The following PLB1 variants were observed in gnomAD, a reference collection of about 807,000 sequenced individuals.
The protein encoded by PLB1 is phospholipase B1, membrane-associated.
PLB1 carries 242 observed loss-of-function variants against 227.4 expected under a neutral mutation model. The ratio of observed to expected loss-of-function variants is 1.06; its 90% confidence interval spans 0.96 to 1.18. PLB1 has a LOEUF of 1.18. Among genes scored for constraint, PLB1 ranks in the 50% most tolerant of loss-of-function variants. PLB1 has a pLI of 0.00. For missense variants in PLB1, 1,858 were observed against 1,816.3 expected (o/e 1.02, Z -0.42); for synonymous variants, 757 against 682.2 (o/e 1.11, Z -1.71).
chr2:28,523,660 C>CATCT (rs1487935268), intron 4 of PLB1, among the ~76,000 whole-genome samples: 1 of 152,134 alleles, frequency 6.6e-6, no homozygotes, highest in Admixed American at 6.5e-5. Flanking sequence ...TTCCTCCCAA[C>CATCT]ATCTCTCTTT....
At position 28,542,110 on chromosome 2, in the gene PLB1, GCAGTAGAA is replaced by G. The variant is rs552049151; in HGVS notation, c.879+301_879+308del. ...ATCCTGCCACTGCACTCCAGCCTGG[GCAGTAGAA>G]CGAGACTCAGTCTCAAAAAAAAAAA... On this transcript the variant is annotated intron_variant, in intron 13 of 57. Coordinates refer to ENST00000327757, the MANE Select transcript of PLB1 (RefSeq NM_153021.5). 8.5e-3 allele frequency among the ~76,000 whole-genome samples: 1,266 copies of G among 149,542 alleles called. 14 individuals are homozygous for G. The highest frequency in any genetic ancestry group is 0.013 in the Non-Finnish European group (863 of 67,372).
chr2:28,601,040 T>G (rs1392594576), intron 36 of PLB1, among the ~76,000 whole-genome samples, 180 bp downstream of exon 36: 1 of 138,286 alleles, frequency 7.2e-6, no homozygotes, highest in Non-Finnish European at 1.5e-5. Context: ...GGAGAGAGCT[T>G]TGTTGCTGGG....
chr2:28,605,409 G>A (rs1446247908), intron 41 of PLB1, among the ~76,000 whole-genome samples: 2 of 151,942 alleles, frequency 1.3e-5, no homozygotes, highest in Non-Finnish European at 2.9e-5. Context: ...TGGAGTCAGG[G>A]GACCCAACTA....
intron 43 of PLB1, among the ~76,000 whole-genome samples, chr2:28,613,083 C>A (rs1685706971): frequency 6.6e-6 from 1 of 152,012 alleles, no homozygotes; most frequent in African/African-American, 2.4e-5. Context: ...CCATGTTGAG[C>A]TAATTTATTT....
chr2:28,596,996 G>A (rs1683036701), intron 33 of PLB1, among the ~76,000 whole-genome samples: 1 of 152,250 alleles, frequency 6.6e-6, no homozygotes, highest in South Asian at 2.1e-4. Context: ...AGGCGCGGTG[G>A]CTCACGCCTG....
Position 28,589,470 on chromosome 2 carries a change from TGA to T in PLB1, c.1840_1841del (p.Ser614TrpfsTer4), listed in dbSNP as rs763873654. 4.8e-5 allele frequency: 77 copies of T among 1,613,720 alleles called. No individual in the cohort carries two copies. Among genetic ancestry groups the T allele is most frequent in the Non-Finnish European group, 5.8e-5 (69 of 1,179,732 alleles). ...TGCAGGAGAAGACCCACCAACTGAT[TGA>T]GAGTGGGCGATATGACACAAGGGAA... The part of the protein sequence containing the change: ...KFQEKTHQLI[E>X]SGRYDTREDF... On this transcript the variant is annotated frameshift_variant, in exon 27 of 58. Transcript: ENST00000327757. LOFTEE classifies it high-confidence loss of function.
intron 1 of PLB1, among the ~76,000 whole-genome samples, chr2:28,497,105 A>G (rs1172808920): frequency 6.6e-6 from 1 of 152,222 alleles, no homozygotes; most frequent in Non-Finnish European, 1.5e-5. Flanking sequence ...GAGTGTTTTC[A>G]TAGAGATTGT....
At chr2:28,516,716 A>G in intron 1 of PLB1, 92 bp from the exon 2 acceptor site, 1 of 1,136,552 alleles carries the variant, frequency 8.8e-7, no homozygotes, top group Non-Finnish European at 1.3e-6. Context: ...CTGGGCACAC[A>G]GATATGGCTA....
intron 14 of PLB1, 197 bp from the exon 15 acceptor site, chr2:28,548,663 A>G: frequency 1.6e-6 from 1 of 644,010 alleles, no homozygotes. Flanking sequence ...AATCGCCTGG[A>G]GAGCTGCTTA....
chr2:28,523,335 G>GTTT lies in PLB1; in HGVS notation c.244-1911_244-1909dup, dbSNP rs199936505. Among the ~76,000 whole-genome samples, 80 of 116,836 alleles carry GTTT rather than the reference G, an allele frequency of 6.8e-4. 3 individuals are homozygous for GTTT. Among genetic ancestry groups the GTTT allele is most frequent in the East Asian group, 4.8e-3 (18 of 3,752 alleles). 76.6% of individuals were successfully genotyped at this position (116,836 alleles called of 152,430 possible). A position where few individuals can be genotyped will look rare whatever the true frequency, so the allele number is the denominator to read the frequency against. On this transcript the variant is annotated intron_variant, in intron 4 of 57. Coordinates refer to ENST00000327757, the MANE Select transcript of PLB1 (RefSeq NM_153021.5). ...CATACTGCAATATCTTATCTGCGAG[G>GTTT]TTTTTTTTTTTTTTTTTTTTTTTCT...
intron 32 of PLB1, 70 bp downstream of exon 32, chr2:28,592,789 TA>T (rs775286530): frequency 6.8e-6 from 10 of 1,461,088 alleles, no homozygotes; most frequent in Non-Finnish European, 9.5e-6. Flanking sequence ...CCTCTTAACT[TA>T]AGGGTCTGCA....
At chr2:28,592,589 G>C in intron 31 of PLB1, 72 bp from the exon 32 acceptor site, 1 of 1,478,650 alleles carries the variant, frequency 6.8e-7, no homozygotes, top group Non-Finnish European at 9.5e-7. Context: ...GATCTTGCTT[G>C]AAGCCAGAGG....
chr2:28,585,596 C>T lies in PLB1; in HGVS notation c.1734-165C>T, dbSNP rs530908148. 18 of 613,938 alleles carry T rather than the reference C, an allele frequency of 2.9e-5. 1 individual carries two copies. The highest frequency in any genetic ancestry group is 2.0e-4 in the East Asian group (7 of 34,330). The allele number at this position is 613,938 out of a possible 1,614,324, so 38.0% of individuals were successfully genotyped here. A position where few individuals can be genotyped will look rare whatever the true frequency, so the allele number is the denominator to read the frequency against. ...CTGGCCTGGAAATCTTCTTTAGCTT[C>T]GTTTGGTATGGTCAGCAGGTCAGCC... On this transcript the variant is annotated intron_variant, in intron 25 of 57. Coordinates refer to ENST00000327757, the MANE Select transcript of PLB1 (RefSeq NM_153021.5).
chr2:28,600,726 A>G, intron 35 of PLB1, 83 bp from the exon 36 acceptor site: 1 of 1,335,710 alleles, frequency 7.5e-7, no homozygotes, highest in Non-Finnish European at 1.1e-6. Context: ...ATGATACTGT[A>G]GAAGCCTCTG....
At position 28,598,757 on chromosome 2, in the gene PLB1, C is replaced by A; in HGVS notation, c.2471C>A (p.Ala824Asp). Residue 824 changes from alanine to aspartate, a missense_variant, in exon 35 of 58, where the codon GCT (alanine) becomes GAT (aspartate). Transcript: ENST00000327757. Reference sequence around the variant, plus strand: ...AATCAAGCTGTTCCCGGAGCAAAGGCTGAGTATGGCATTTGGGGAGGGAGG... The same window carrying A: ...AATCAAGCTGTTCCCGGAGCAAAGGATGAGTATGGCATTTGGGGAGGGAGG... ...FLNQAVPGAK[A>D]EDLMSQVQTL... The A allele has an allele frequency of 6.2e-7, 1 of 1,612,110 alleles. No individual in the cohort carries two copies. Among genetic ancestry groups the A allele is most frequent in the Non-Finnish European group, 8.5e-7 (1 of 1,178,060 alleles).
intron 47 of PLB1, 133 bp from the exon 48 acceptor site, chr2:28,620,467 G>A: frequency 7.4e-7 from 1 of 1,356,610 alleles, no homozygotes; most frequent in Non-Finnish European, 1.0e-6. Flanking sequence ...CTCAATGCTT[G>A]CATTACCCCT....
rs746764521 is a variant in PLB1 at position 28,581,487 on chromosome 2, AAATAAATAAAT to A, written c.1567-578_1567-568del. On this transcript the variant is annotated intron_variant, in intron 23 of 57. Transcript: ENST00000327757. ...AGTAGATCCAGAGCTCCACGCAAAA[AAATAAATAAAT>A]AAATAAATAAATAAATAAATAAATA... Among the ~76,000 whole-genome samples, 141 of 37,592 alleles carry A rather than the reference AAATAAATAAAT, an allele frequency of 3.8e-3. 5 individuals carry two copies. The highest frequency in any genetic ancestry group is 5.1e-3 in the Non-Finnish European group (82 of 16,074). 24.7% of individuals were successfully genotyped at this position (37,592 alleles called of 152,430 possible).
rs1050708204 is a variant in PLB1, at chr2:28,614,210, A to G, written c.3195+114A>G. 3.9e-6 allele frequency: 4 copies of G among 1,029,688 alleles called. No homozygotes were observed. The African/African-American group carries it at 4.7e-5, about 12-fold the overall frequency. The allele number at this position is 1,029,688 out of a possible 1,614,324, so 63.8% of individuals were successfully genotyped here. A position where few individuals can be genotyped will look rare whatever the true frequency, so the allele number is the denominator to read the frequency against. ...ACTGAAGCAGAAATGTACTTCTTAC[A>G]TACTGGGGATTGGAATGTACAGAAA... On this transcript the variant is annotated intron_variant, in intron 44 of 57. Coordinates refer to ENST00000327757, the MANE Select transcript of PLB1 (RefSeq NM_153021.5).
At position 28,541,696 on chromosome 2, in the gene PLB1, C is replaced by T. The variant is rs374686674; in HGVS notation, c.775-11C>T. The T allele has an allele frequency of 1.2e-6, 2 of 1,608,396 alleles. No homozygotes were observed. Among genetic ancestry groups the T allele is most frequent in the Non-Finnish European group, 1.7e-6 (2 of 1,175,230 alleles). ...GTTCCTGGATGGGCACCTCTCTGCT[C>T]CCTTCTCCAGGAAGCCTGGAACAGC... On this transcript the variant is annotated splice_polypyrimidine_tract_variant and intron_variant, in intron 12 of 57. Coordinates refer to ENST00000327757, the MANE Select transcript of PLB1 (RefSeq NM_153021.5).
Sources: gnomAD v4.1 joint callset for allele counts (sites outside exome capture counted in the v4.1 genomes callset) on GRCh38, gnomAD v4.1.1 for gene constraint, MANE v1.5 for transcripts, NCBI Gene and HGNC (gene_info 2026-07-23, HGNC 2026-07-21) for gene names.